MAGI2: variants seen among roughly 807,000 people sequenced by gnomAD.
MAGI2 encodes membrane associated guanylate kinase, WW and PDZ domain containing 2, also known as membrane-associated guanylate kinase, WW and PDZ domain-containing protein 2.
MAGI2 carries 35 observed loss-of-function variants against 133.3 expected under a neutral mutation model. That is an observed-to-expected ratio of 0.26 (90% CI 0.20 to 0.35). The LOEUF is 0.35. MAGI2 is among the 10% of genes least tolerant of loss of function. MAGI2 has a pLI of 1.00. For synonymous variants in MAGI2, 729 were observed against 710.6 expected, an observed-to-expected ratio of 1.03 and a Z score of -0.41; for missense variants, 1,636 against 1,863.4, an observed-to-expected ratio of 0.88 and a Z score of 2.25.
intron 6 of MAGI2, among the ~76,000 whole-genome samples, chr7:78,482,895 AC>A (rs1563065592): frequency 3.2e-4 from 18 of 56,320 alleles, no homozygotes; most frequent in African/African-American, 1.5e-3. Flanking sequence ...ACACACACAC[AC>A]ACACACACAC....
intron 19 of MAGI2, among the ~76,000 whole-genome samples, chr7:78,126,193 G>GGTGTGTGTGTGTGTGTGTGT (rs3085805): frequency 6.7e-6 from 1 of 149,010 alleles, no homozygotes; most frequent in Non-Finnish European, 1.5e-5. Flanking sequence ...ATAAATGTCA[G>GGTGTGTGTGTGTGTGTGTGT]GTGTGTGTGT....
At chr7:79,148,380 A>G (rs1289418715) in intron 1 of MAGI2, among the ~76,000 whole-genome samples, 1 of 152,158 alleles carries the variant, frequency 6.6e-6, no homozygotes, top group Non-Finnish European at 1.5e-5. Flanking sequence ...GGCCCACCTA[A>G]GTGTCAGTCA....
chr7:78,289,187 C>T (rs559670668), intron 9 of MAGI2, among the ~76,000 whole-genome samples: 1 of 151,978 alleles, frequency 6.6e-6, no homozygotes, highest in Non-Finnish European at 1.5e-5. Flanking sequence ...TCGAACCCAT[C>T]GCAAAGAAGC....
At chr7:78,271,944 T>C (rs949822698) in intron 9 of MAGI2, among the ~76,000 whole-genome samples, 1 of 152,226 alleles carries the variant, frequency 6.6e-6, no homozygotes, top group African/African-American at 2.4e-5. Flanking sequence ...TCTATCTCCT[T>C]CAGTTCTGCT....
intron 1 of MAGI2, among the ~76,000 whole-genome samples, chr7:79,083,953 C>T (rs1234666894): frequency 6.6e-6 from 1 of 151,678 alleles, no homozygotes; most frequent in Admixed American, 6.6e-5. Context: ...TTCATTAACA[C>T]ACTATTGTTC....
intron 10 of MAGI2, 25 bp from the exon 11 acceptor site, chr7:78,201,218 A>G (rs373315169): frequency 2.3e-5 from 30 of 1,331,784 alleles, no homozygotes; most frequent in Admixed American, 2.8e-5. Context: ...ACAATATTTG[A>G]ACTTTGAAAA....
chr7:78,716,217 T>A (rs1476259574), intron 2 of MAGI2, among the ~76,000 whole-genome samples: 1 of 152,244 alleles, frequency 6.6e-6, no homozygotes, highest in Non-Finnish European at 1.5e-5. Flanking sequence ...CTTTCAATTG[T>A]GACTTTTGCT....
At chr7:78,382,083 T>C (rs544468314) in intron 6 of MAGI2, among the ~76,000 whole-genome samples, 1 of 152,288 alleles carries the variant, frequency 6.6e-6, no homozygotes, top group Admixed American at 6.5e-5. Flanking sequence ...ACATGATATG[T>C]GCAGACAGTA....
chr7:78,057,977 G>GTATGTATATATATATATATA (rs1812776156), intron 21 of MAGI2, among the ~76,000 whole-genome samples: 6 of 106,612 alleles, frequency 5.6e-5, no homozygotes, highest in African/African-American at 2.0e-4. Flanking sequence ...ATATATATGT[G>GTATGTATATATATATATATA]TATATATATA....
intron 3 of MAGI2, among the ~76,000 whole-genome samples, chr7:78,565,031 G>A (rs1163380474): frequency 6.6e-6 from 1 of 151,874 alleles, no homozygotes; most frequent in Non-Finnish European, 1.5e-5. Context: ...CTGACCTTGT[G>A]ATCCGTCTGC....
intron 20 of MAGI2, among the ~76,000 whole-genome samples, chr7:78,081,531 T>C (rs1585043250): frequency 6.6e-6 from 1 of 151,514 alleles, no homozygotes; most frequent in South Asian, 2.1e-4. Context: ...TGCCAGGAGG[T>C]GGTGACATAT....
intron 2 of MAGI2, among the ~76,000 whole-genome samples, chr7:78,845,953 A>C (rs1792566366): frequency 6.6e-6 from 1 of 151,970 alleles, no homozygotes; most frequent in Non-Finnish European, 1.5e-5. Flanking sequence ...AAATGTGGCA[A>C]AGATACTTCT....
Position 78,871,890 on chromosome 7 carries a change from A to T in MAGI2, c.418+135200T>A, listed in dbSNP as rs1454917779. Among the ~76,000 whole-genome samples the T allele has an allele frequency of 2.0e-5, 3 of 152,218 alleles. No individual in the cohort carries two copies. In the East Asian group the frequency reaches 5.8e-4, roughly 29 times the overall value. On this transcript the variant is annotated intron_variant, in intron 2 of 21. Coordinates refer to ENST00000354212, the MANE Select transcript of MAGI2 (RefSeq NM_012301.4). ...AGGAAAGATTGAGATTTTAAAAATGATGGTAAATATAACCAACATATATTC... is the reference window on the plus strand; with the variant it reads ...AGGAAAGATTGAGATTTTAAAAATGTTGGTAAATATAACCAACATATATTC...
chr7:78,271,488 T>G (rs374956109), intron 9 of MAGI2, among the ~76,000 whole-genome samples: 16 of 152,318 alleles, frequency 1.1e-4, no homozygotes, highest in East Asian at 5.8e-4. Flanking sequence ...TAGGGAGGAT[T>G]CCTTCTTTTT....
intron 1 of MAGI2, among the ~76,000 whole-genome samples, chr7:79,294,736 T>TTTG (rs1385679768): frequency 1.5e-5 from 2 of 137,694 alleles, no homozygotes; most frequent in East Asian, 4.1e-4. Context: ...TTTTTTTTTT[T>TTTG]TTTTTTTTTC....
intron 2 of MAGI2, among the ~76,000 whole-genome samples, chr7:78,903,339 G>A (rs1797763103): frequency 6.6e-6 from 1 of 151,338 alleles, no homozygotes; most frequent in Non-Finnish European, 1.5e-5. Context: ...GACTACAGGC[G>A]CCCGCTACCA....
intron 15 of MAGI2, among the ~76,000 whole-genome samples, chr7:78,161,688 G>GAA (rs397753924): frequency 4.7e-5 from 5 of 107,236 alleles, no homozygotes; most frequent in African/African-American, 1.0e-4. Flanking sequence ...AAAAAAAAAA[G>GAA]AAAAAAAAAA....
intron 1 of MAGI2, among the ~76,000 whole-genome samples, chr7:79,140,833 T>A (rs1272310887): frequency 6.6e-6 from 1 of 152,148 alleles, no homozygotes; most frequent in African/African-American, 2.4e-5. Flanking sequence ...ATGTAAAAAA[T>A]TACGAGATTA....
chr7:78,277,355 A>G (rs570100248), intron 9 of MAGI2, among the ~76,000 whole-genome samples: 87 of 152,312 alleles, frequency 5.7e-4, no homozygotes, highest in African/African-American at 2.0e-3. Flanking sequence ...GAAACTTTTT[A>G]CCTCTTCTCT....
Sources: allele counts gnomAD v4.1 joint callset (sites outside exome capture counted in the v4.1 genomes callset), GRCh38; gene constraint gnomAD v4.1.1; transcripts MANE v1.5; gene names NCBI Gene and HGNC (gene_info 2026-07-23, HGNC 2026-07-21).